ABCB9: variants seen among roughly 807,000 people sequenced by gnomAD.
The protein encoded by ABCB9 is ATP binding cassette subfamily B member 9.
ABCB9 carries 36 observed loss-of-function variants against 62.0 expected under a neutral mutation model. The observed-to-expected ratio is 0.58, with a 90% CI of 0.45 to 0.77. The LOEUF is 0.77. ABCB9 is among the 30% of genes least tolerant of loss of function. The pLI, the probability that ABCB9 is intolerant of heterozygous loss-of-function variation, is 0.00. For missense variants in ABCB9, 943 were observed against 1,054.7 expected (o/e 0.89, Z 1.47); for synonymous variants, 435 against 461.4 (o/e 0.94, Z 0.73).
At chr12:122,926,871 G>C (rs2034921404), downstream of ABCB9, among the ~76,000 whole-genome samples, 2 of 152,210 alleles carry the variant, frequency 1.3e-5, no homozygotes, top group Non-Finnish European at 2.9e-5. Flanking sequence ...CTGCACTCCA[G>C]TCTGGGCAAT....
chr12:122,922,959 A>C (rs1177167594), intron 11 of ABCB9, among the ~76,000 whole-genome samples: 1 of 150,606 alleles, frequency 6.6e-6, no homozygotes, highest in Non-Finnish European at 1.5e-5. Flanking sequence ...ACACCTGGCT[A>C]ATTTTTCTTC....
At position 122,930,753 on chromosome 12, in the gene ABCB9, T is replaced by C. The variant is rs903833392; in HGVS notation, c.2041-582A>G. On this transcript the variant is annotated intron_variant, in intron 11 of 11. Coordinates refer to ENST00000280560, the MANE Select transcript of ABCB9 (RefSeq NM_019625.4). The surrounding 1 kb of genome is among the most constrained non-coding windows in gnomAD (Gnocchi z 4.9). ...CTTCCCCACTGGAATGGAAACACCA[T>C]GGGGACAAGGGTCTTTGTCTAGTTA... 1.3e-5 allele frequency among the ~76,000 whole-genome samples: 2 copies of C among 151,418 alleles called. No individual in the cohort carries two copies.
chr12:122,961,173 G>A (rs1361081839), intron 1 of ABCB9, among the ~76,000 whole-genome samples: 1 of 151,960 alleles, frequency 6.6e-6, no homozygotes, highest in Non-Finnish European at 1.5e-5. Context: ...GGGGAAGACA[G>A]AGATCAATTT....
chr12:122,957,883 G>T (rs908751119), intron 2 of ABCB9, among the ~76,000 whole-genome samples: 1 of 151,078 alleles, frequency 6.6e-6, no homozygotes, highest in Admixed American at 6.6e-5. Flanking sequence ...AATTATTGAC[G>T]TGCAGGTCGG....
chr12:122,936,541 G>A (rs915028929), intron 9 of ABCB9, among the ~76,000 whole-genome samples: 2 of 152,168 alleles, frequency 1.3e-5, no homozygotes, highest in African/African-American at 4.8e-5. Flanking sequence ...TAAGGTGGGA[G>A]GATGGCTTGA....
intron 1 of ABCB9, among the ~76,000 whole-genome samples, chr12:122,962,549 C>T (rs568030679): frequency 6.6e-6 from 1 of 152,336 alleles, no homozygotes; most frequent in Non-Finnish European, 1.5e-5. Context: ...TTCCCGTTTA[C>T]AGTTAGGGAA....
downstream of ABCB9, among the ~76,000 whole-genome samples, chr12:122,926,074 G>T (rs1041636853): frequency 6.6e-6 from 1 of 152,144 alleles, no homozygotes; most frequent in Non-Finnish European, 1.5e-5. Flanking sequence ...TGGCGGCCAG[G>T]GGCTGTGTGG....
At chr12:122,923,353 C>CGT (rs879309397) in intron 11 of ABCB9, among the ~76,000 whole-genome samples, 2 of 152,090 alleles carry the variant, frequency 1.3e-5, no homozygotes, top group Admixed American at 6.6e-5. Context: ...AGTGGCGCGA[C>CGT]CTCCACGCAC....
upstream of ABCB9, among the ~76,000 whole-genome samples, chr12:122,970,068 G>C (rs576453783): frequency 3.3e-5 from 5 of 152,290 alleles, no homozygotes; most frequent in African/African-American, 1.2e-4. Flanking sequence ...GTCCACAGAT[G>C]TTTATAGAAG....
chr12:122,931,085 T>C (rs2035130077), intron 11 of ABCB9, among the ~76,000 whole-genome samples: 1 of 151,646 alleles, frequency 6.6e-6, no homozygotes, highest in Non-Finnish European at 1.5e-5. Context: ...AGTGCAGTGG[T>C]GCAATCTCGG....
Position 122,950,545 on chromosome 12 carries a change from A to G in ABCB9, c.622T>C (p.Tyr208His). Residue 208 changes from tyrosine to histidine, a missense_variant, in exon 3 of 12, where the codon TAC becomes CAC. Transcript: ENST00000280560. ...ATGCCATCAATGGCGCGGCCCGTGT[A>G]GTAGGGCAGGAAGGTCTCTCCTGGG... Reference protein sequence around the residue: ...AALGETFLPYYTGRAIDGIVI... With the variant: ...AALGETFLPYHTGRAIDGIVI... 5 of 1,612,708 alleles carry G rather than the reference A, an allele frequency of 3.1e-6. No individual in the cohort carries two copies. The highest frequency in any genetic ancestry group is 3.4e-6 in the Non-Finnish European group (4 of 1,179,932).
intron 2 of ABCB9, chr12:122,952,733 G>C (rs2036424750): frequency 6.6e-6 from 1 of 152,194 alleles, no homozygotes; most frequent in Non-Finnish European, 1.5e-5. Context: ...AAGCATGCCG[G>C]CAAACTCTCT....
At chr12:122,972,077 C>T (rs2037277599) in intron 1 of ABCB9, among the ~76,000 whole-genome samples, 2 of 129,360 alleles carry the variant, frequency 1.5e-5, no homozygotes, top group African/African-American at 3.1e-5. Flanking sequence ...CAGAGTCTCA[C>T]TCTGTCACGC....
intron 10 of ABCB9, among the ~76,000 whole-genome samples, chr12:122,934,316 T>A (rs2035346687): frequency 6.6e-6 from 1 of 152,188 alleles, no homozygotes; most frequent in Non-Finnish European, 1.5e-5. Flanking sequence ...GGAAAATTTT[T>A]ATCTTTTGAT....
downstream of ABCB9, among the ~76,000 whole-genome samples, chr12:122,926,622 C>T (rs1003905458): frequency 1.3e-5 from 2 of 151,954 alleles, no homozygotes; most frequent in African/African-American, 2.4e-5. Flanking sequence ...GGCGTGGTGG[C>T]TCATGCCTAT....
At chr12:122,971,398 A>AG (rs2037268957), upstream of ABCB9, among the ~76,000 whole-genome samples, 1 of 150,594 alleles carries the variant, frequency 6.6e-6, no homozygotes, top group East Asian at 1.9e-4. Context: ...AAAAAAAAAA[A>AG]AAAAAAAATC....
At chr12:122,971,691 A>T (rs906770851) in intron 1 of ABCB9, among the ~76,000 whole-genome samples, 1 of 152,164 alleles carries the variant, frequency 6.6e-6, no homozygotes, top group African/African-American at 2.4e-5. Flanking sequence ...AGTTCAAGCG[A>T]TCTGCCCACC....
intron 6 of ABCB9, 147 bp downstream of exon 6, chr12:122,945,877 CA>C (rs766455584): frequency 0.2 from 94,166 of 464,486 alleles, 230 homozygotes; most frequent in South Asian, 0.22. Flanking sequence ...GGCTCTGTCT[CA>C]AAAAAAAAAA....
chr12:122,929,383 G>A lies in ABCB9; in HGVS notation c.*528C>T. 1 of 986,220 alleles carries A rather than the reference G, an allele frequency of 1.0e-6. No homozygotes were observed. The highest frequency in any genetic ancestry group is 1.2e-6 in the Non-Finnish European group (1 of 830,230). 61.1% of individuals were successfully genotyped at this position (986,220 alleles called of 1,614,324 possible). On this transcript the variant is annotated 3_prime_UTR_variant, in exon 12 of 12. Coordinates refer to ENST00000280560, the MANE Select transcript of ABCB9 (RefSeq NM_019625.4). This position sits in a 1 kb window ranked among gnomAD's most constrained non-coding sequence, Gnocchi z 6.0. ...CGCCCTGGCCAGACTCACAGAGCTG[G>A]CAAGAGGGAGAGACGGAAAATCCCG...
Sources: gnomAD v4.1 joint callset for allele counts (sites outside exome capture counted in the v4.1 genomes callset) on GRCh38, gnomAD v4.1.1 for gene constraint, Gnocchi (gnomAD v3.1) non-coding constraint, MANE v1.5 for transcripts, NCBI Gene and HGNC (gene_info 2026-07-23, HGNC 2026-07-21) for gene names.